The following PREP variants were observed in gnomAD, a reference collection of about 807,000 sequenced individuals.
PREP encodes the protein prolyl endopeptidase, also known as dJ355L5.1 (prolyl endopeptidase).
Under a neutral mutation model 87.6 loss-of-function variants are expected in PREP, and 29 were observed. The ratio of observed to expected loss-of-function variants is 0.33; its 90% CI spans 0.25 to 0.45. The LOEUF (loss-of-function observed/expected upper bound fraction) is 0.45, where lower values mean the gene tolerates loss of function less well. Ranked by LOEUF, PREP falls within the 20% of genes least tolerant of loss-of-function variation. The pLI is 1.00. For synonymous variants in PREP, 337 were observed against 328.6 expected (o/e 1.03, Z -0.28); for missense variants, 695 against 886.5 (o/e 0.78, Z 2.74).
At chr6:105,348,345 C>T (rs1771852885) in intron 7 of PREP, among the ~76,000 whole-genome samples, 1 of 152,168 alleles carries the variant, frequency 6.6e-6, no homozygotes, top group African/African-American at 2.4e-5. Context: ...CAAGCAAGGC[C>T]ACCTGAGCAC....
intron 5 of PREP, among the ~76,000 whole-genome samples, chr6:105,370,395 GT>G (rs1375143818): frequency 6.6e-6 from 1 of 151,526 alleles, no homozygotes; most frequent in Non-Finnish European, 1.5e-5. Flanking sequence ...TGCTGTCCAC[GT>G]TGTGGAACAA....
At chr6:105,381,421 G>GA (rs898138494) in intron 2 of PREP, among the ~76,000 whole-genome samples, 102 of 148,796 alleles carry the variant, frequency 6.9e-4, no homozygotes, top group African/African-American at 2.3e-3. Context: ...CTAAATATTA[G>GA]AAAAAAAAAT....
chr6:105,322,620 T>A lies in PREP; in HGVS notation c.1317+1045A>T, dbSNP rs534980909. ...CAGGCCTTCTGGGACATAGAGTTTC[T>A]GTTGCAACCACTCTAAGTGCCAAAG... On this transcript the variant is annotated intron_variant, in intron 10 of 14. Transcript: ENST00000652536. The A allele has an allele frequency of 1.0e-5, 10 of 988,246 alleles. No homozygotes were observed. The South Asian group carries it at 4.6e-4, about 46-fold the overall frequency. The allele number at this position is 988,246 out of a possible 1,614,324, so 61.2% of individuals were successfully genotyped here.
At chr6:105,392,873 G>A (rs765345101) in intron 2 of PREP, among the ~76,000 whole-genome samples, 11 of 152,170 alleles carry the variant, frequency 7.2e-5, no homozygotes, top group Non-Finnish European at 1.3e-4. Flanking sequence ...CACCGCAGCC[G>A]GCCCCATGCT....
chr6:105,296,205 A>AT lies in PREP; in HGVS notation c.1318-7312dup, dbSNP rs577976646. Among the ~76,000 whole-genome samples, 17 of 152,042 alleles carry AT rather than the reference A, an allele frequency of 1.1e-4. No individual in the cohort carries two copies. In the East Asian group the frequency reaches 2.7e-3, roughly 24 times the overall value. ...GCAAACACTGCCATTTCCTTACTGT[A>AT]TTTTTTTTATTAGCAAACATTTTCA... On this transcript the variant is annotated intron_variant, in intron 10 of 14. Transcript: ENST00000652536.
At chr6:105,393,199 A>T (rs1356429939) in intron 2 of PREP, among the ~76,000 whole-genome samples, 2 of 152,374 alleles carry the variant, frequency 1.3e-5, no homozygotes, top group East Asian at 3.9e-4. Flanking sequence ...TACATTTCCA[A>T]TAAAAACCAT....
At chr6:105,312,722 A>C (rs1001208007) in intron 10 of PREP, among the ~76,000 whole-genome samples, 1 of 152,222 alleles carries the variant, frequency 6.6e-6, no homozygotes, top group Non-Finnish European at 1.5e-5. Flanking sequence ...AGGAGCAAGA[A>C]GACAAGCTTC....
chr6:105,289,399 G>A (rs773870877), intron 10 of PREP, among the ~76,000 whole-genome samples: 1 of 152,092 alleles, frequency 6.6e-6, no homozygotes, highest in Non-Finnish European at 1.5e-5. Flanking sequence ...TGCTCAAGAC[G>A]TCATTTTTCT....
chr6:105,275,872 G>C lies in PREP; in HGVS notation c.*2272C>G, dbSNP rs1425305343. On this transcript the variant is annotated 3_prime_UTR_variant, in exon 15 of 15. Transcript: ENST00000652536. ...TCCCATGTTCTCCACTCATGTGGGAGCTAAAAAAGCAGGCAGAGAAAGGGA... is the reference window on the plus strand; with the variant it reads ...TCCCATGTTCTCCACTCATGTGGGACCTAAAAAAGCAGGCAGAGAAAGGGA... Among the ~76,000 whole-genome samples, 3 of 152,226 alleles carry C rather than the reference G, an allele frequency of 2.0e-5. No individual in the cohort carries two copies. Among genetic ancestry groups the C allele is most frequent in the Admixed American group, 6.5e-5 (1 of 15,288 alleles).
At chr6:105,284,097 C>T (rs933457090) in intron 12 of PREP, among the ~76,000 whole-genome samples, 1 of 152,132 alleles carries the variant, frequency 6.6e-6, no homozygotes, top group Non-Finnish European at 1.5e-5. Flanking sequence ...GAAATTTTAT[C>T]CTCTTATCAC....
chr6:105,343,841 G>C (rs1364032284), intron 7 of PREP, among the ~76,000 whole-genome samples: 1 of 152,216 alleles, frequency 6.6e-6, no homozygotes, highest in East Asian at 1.9e-4. Context: ...ACACCAGTTA[G>C]AATGGTGATC....
intron 14 of PREP, among the ~76,000 whole-genome samples, chr6:105,280,169 A>G (rs1309365878): frequency 2.6e-5 from 4 of 152,142 alleles, no homozygotes; most frequent in African/African-American, 9.7e-5. Flanking sequence ...GGTGGTGCGC[A>G]CCTGTCGTCC....
intron 7 of PREP, among the ~76,000 whole-genome samples, chr6:105,339,787 A>C (rs1238342990): frequency 1.3e-5 from 2 of 152,202 alleles, no homozygotes; most frequent in Non-Finnish European, 2.9e-5. Flanking sequence ...AAAGGGTATC[A>C]GTGATTGAAG....
intron 1 of PREP, among the ~76,000 whole-genome samples, chr6:105,398,153 T>C (rs149428494): frequency 1.3e-5 from 2 of 152,042 alleles, no homozygotes; most frequent in Admixed American, 6.5e-5. Flanking sequence ...GAAAGAAAGA[T>C]GAAAGGTCAG....
chr6:105,281,951 T>G, intron 13 of PREP, 49 bp from the exon 14 acceptor site: 2 of 1,598,042 alleles, frequency 1.3e-6, no homozygotes, highest in Non-Finnish European at 8.5e-7. Flanking sequence ...TCATTAAACA[T>G]CTACATAAAC....
chr6:105,379,374 A>T (rs972733807), intron 2 of PREP, among the ~76,000 whole-genome samples: 5 of 152,200 alleles, frequency 3.3e-5, no homozygotes, highest in Non-Finnish European at 7.4e-5. Context: ...AACATCAAGG[A>T]GGAAATTGGA....
rs934449075 is a variant in PREP, at chr6:105,377,546, C to T, written c.121-27G>A. On this transcript the variant is annotated intron_variant, in intron 2 of 14. Coordinates refer to ENST00000652536, the MANE Select transcript of PREP (RefSeq NM_002726.5). ...TGTGGAGAAATTAAAATGGACAAAG[C>T]AAGTTAAATATAAAATTTTCCATGT... 5.0e-6 allele frequency: 8 copies of T among 1,603,058 alleles called. No homozygotes were observed. The African/African-American group carries it at 6.8e-5, about 14-fold the overall frequency.
chr6:105,376,483 G>A (rs1371415880), intron 3 of PREP, among the ~76,000 whole-genome samples: 2 of 152,158 alleles, frequency 1.3e-5, no homozygotes, highest in South Asian at 2.1e-4. Flanking sequence ...TTGTAATCCT[G>A]CACATTAGCC....
At chr6:105,368,277 C>A (rs1772446479) in intron 6 of PREP, among the ~76,000 whole-genome samples, 1 of 152,128 alleles carries the variant, frequency 6.6e-6, no homozygotes. Flanking sequence ...AATGAACTAA[C>A]CAGAGTCAAA....
Sources: gnomAD v4.1 joint callset for allele counts (sites outside exome capture counted in the v4.1 genomes callset) on GRCh38, gnomAD v4.1.1 for gene constraint, MANE v1.5 for transcripts, NCBI Gene and HGNC (gene_info 2026-07-23, HGNC 2026-07-21) for gene names.